Variants in SLC26A5 observed in about 807,000 individuals in gnomAD.
SLC26A5 encodes the protein prestin.
Under a neutral mutation model 81.0 loss-of-function variants are expected in SLC26A5, and 51 were observed. The observed-to-expected ratio is 0.63, with a 90% CI of 0.50 to 0.80. The LOEUF (loss-of-function observed/expected upper bound fraction) is 0.80. Among genes scored for constraint, SLC26A5 ranks in the 30% least tolerant of loss-of-function variants. The pLI, the probability that SLC26A5 is intolerant of heterozygous loss-of-function variation, is 0.00. For synonymous variants in SLC26A5, 325 were observed against 332.8 expected (o/e 0.98, Z 0.25); for missense variants, 771 against 905.8 (o/e 0.85, Z 1.91).
chr7:103,425,481 T>C (rs1278497307), intron 2 of SLC26A5, among the ~76,000 whole-genome samples: 1 of 152,062 alleles, frequency 6.6e-6, no homozygotes, highest in Non-Finnish European at 1.5e-5. Flanking sequence ...GAGAGAGAAA[T>C]ACATATGAAA....
chr7:103,412,999 T>C lies in SLC26A5; in HGVS notation c.403+3A>G, dbSNP rs1431296574. Reference sequence around the variant, plus strand: ...TAATAGAATATCAAATGTAAGCTTTTACCTATGGATATGTGTCTGGAGGTT... The same window carrying C: ...TAATAGAATATCAAATGTAAGCTTTCACCTATGGATATGTGTCTGGAGGTT... On this transcript the variant is annotated splice_donor_region_variant and intron_variant, in intron 5 of 19. Transcript: ENST00000306312. 3.8e-6 allele frequency: 6 copies of C among 1,575,968 alleles called. No individual in the cohort carries two copies. The highest frequency in any genetic ancestry group is 5.2e-6 in the Non-Finnish European group (6 of 1,145,248).
chr7:103,368,237 T>G, intron 19 of SLC26A5: 2 of 624,370 alleles, frequency 3.2e-6, no homozygotes, highest in Non-Finnish European at 5.1e-6. Flanking sequence ...TTAGAATATA[T>G]TTTGACTATT....
chr7:103,411,753 C>T (rs150512208), intron 5 of SLC26A5, among the ~76,000 whole-genome samples, 167 bp from the exon 6 acceptor site: 40 of 152,216 alleles, frequency 2.6e-4, no homozygotes, highest in African/African-American at 8.4e-4. Flanking sequence ...CGTGTGTGTG[C>T]GTGTGTGCGC....
At chr7:103,410,084 A>T (rs1160763802) in intron 7 of SLC26A5, among the ~76,000 whole-genome samples, 1 of 152,148 alleles carries the variant, frequency 6.6e-6, no homozygotes, top group African/African-American at 2.4e-5. Flanking sequence ...AAAGATCATG[A>T]TTTAGTTGTA....
intron 16 of SLC26A5, among the ~76,000 whole-genome samples, chr7:103,378,920 T>C (rs1231067676): frequency 6.6e-6 from 1 of 152,130 alleles, no homozygotes; most frequent in African/African-American, 2.4e-5. Context: ...GGAATCTACA[T>C]GATCCCAAGA....
At chr7:103,441,484 C>T (rs1434701521) in intron 2 of SLC26A5, among the ~76,000 whole-genome samples, 1 of 152,160 alleles carries the variant, frequency 6.6e-6, no homozygotes, top group East Asian at 1.9e-4. Context: ...TCTCCTCTCC[C>T]AGTTCTGGTA....
chr7:103,397,790 C>A, intron 9 of SLC26A5, 142 bp downstream of exon 9: 1 of 635,564 alleles, frequency 1.6e-6, no homozygotes, highest in Non-Finnish European at 2.8e-6. Flanking sequence ...AAATAAAATG[C>A]ACCCAATCCC....
chr7:103,355,806 G>T (rs577267093), intron 19 of SLC26A5: 15 of 1,576,960 alleles, frequency 9.5e-6, no homozygotes, highest in South Asian at 3.3e-5. Context: ...ATGCACGGGT[G>T]CTCTGTGGCA....
chr7:103,433,431 A>T (rs1826221092), intron 2 of SLC26A5: 1 of 152,170 alleles, frequency 6.6e-6, no homozygotes, highest in Non-Finnish European at 1.5e-5. Flanking sequence ...GTGTTGCTAG[A>T]AGTGCCATCA....
chr7:103,367,689 A>G lies in SLC26A5; in HGVS notation c.2041+9119T>C, dbSNP rs778093574. The G allele has an allele frequency of 8.1e-6, 13 of 1,608,658 alleles. No individual in the cohort carries two copies. Among genetic ancestry groups the G allele is most frequent in the South Asian group, 1.1e-5 (1 of 90,102 alleles). On this transcript the variant is annotated intron_variant, in intron 19 of 19. Coordinates refer to the SLC26A5 transcript ENST00000339444. This position sits in a 1 kb window ranked among gnomAD's most constrained non-coding sequence, Gnocchi z 6.1. ...TCCTGTGATTTTTTTCCATTTTAAT[A>G]TTTGTCAATTTTCTCATTTTTAGGG...
rs1308449859 is a variant in SLC26A5 at position 103,367,366 on chromosome 7, A to G, written c.2041+9442T>C. The stretch of plus-strand genomic sequence containing the variant: ...GTACTTTCAGGTCATGCATAGTGCT[A>G]CTCTTGAGTGGACTTGAAGAGCTTA... On this transcript the variant is annotated intron_variant, in intron 19 of 19. Coordinates refer to the SLC26A5 transcript ENST00000339444. This position sits in a 1 kb window ranked among gnomAD's most constrained non-coding sequence, Gnocchi z 6.1. The G allele has an allele frequency of 6.3e-7, 1 of 1,583,116 alleles. No homozygotes were observed. The highest frequency in any genetic ancestry group is 2.2e-5 in the East Asian group (1 of 44,728).
intron 10 of SLC26A5, 45 bp downstream of exon 10, chr7:103,392,874 G>A (rs1464096965): frequency 2.5e-6 from 4 of 1,611,106 alleles, no homozygotes; most frequent in Non-Finnish European, 3.4e-6. Flanking sequence ...AGACATTGGT[G>A]ATTGTACTGC....
chr7:103,373,628 A>C (rs1306237696), downstream of SLC26A5, among the ~76,000 whole-genome samples: 2 of 152,336 alleles, frequency 1.3e-5, no homozygotes, highest in Non-Finnish European at 2.9e-5. Context: ...TAGAATGAAT[A>C]TCAGTTTGCA....
At chr7:103,358,429 T>A (rs1317936783) in intron 19 of SLC26A5, among the ~76,000 whole-genome samples, 1 of 152,198 alleles carries the variant, frequency 6.6e-6, no homozygotes, top group East Asian at 1.9e-4. Flanking sequence ...CCCTTATTCC[T>A]GAATTCTCTT....
intron 2 of SLC26A5, among the ~76,000 whole-genome samples, chr7:103,433,094 C>T (rs76626878): frequency 1.3e-5 from 2 of 152,106 alleles, no homozygotes; most frequent in African/African-American, 4.8e-5. Flanking sequence ...TATTAATGGA[C>T]TAGACAGGTC....
intron 14 of SLC26A5, among the ~76,000 whole-genome samples, chr7:103,386,816 G>A (rs1822233920): frequency 1.3e-5 from 2 of 151,584 alleles, no homozygotes; most frequent in African/African-American, 4.9e-5. Context: ...AGGCTGGAGT[G>A]CAATGGCTCA....
intron 2 of SLC26A5, among the ~76,000 whole-genome samples, chr7:103,433,924 A>G (rs1039232000): frequency 2.0e-5 from 3 of 151,864 alleles, no homozygotes; most frequent in African/African-American, 4.8e-5. Context: ...GATGGTCTTG[A>G]TCTCCTGACC....
chr7:103,436,773 T>A (rs1826482487), intron 2 of SLC26A5, among the ~76,000 whole-genome samples: 1 of 152,208 alleles, frequency 6.6e-6, no homozygotes, highest in Non-Finnish European at 1.5e-5. Flanking sequence ...CCTTTTCTCA[T>A]ACTATATGCA....
chr7:103,370,862 CCTT>C (rs1206921886), downstream of SLC26A5, among the ~76,000 whole-genome samples: 8 of 152,192 alleles, frequency 5.3e-5, no homozygotes, highest in African/African-American at 1.7e-4. Flanking sequence ...CTTTATGGGA[CCTT>C]CTTCAAAACA....
Sources: allele counts gnomAD v4.1 joint callset (sites outside exome capture counted in the v4.1 genomes callset), GRCh38; gene constraint gnomAD v4.1.1; non-coding constraint Gnocchi (gnomAD v3.1); transcripts MANE v1.5; gene names NCBI Gene and HGNC (gene_info 2026-07-23, HGNC 2026-07-21).